CNST: variants seen among roughly 807,000 people sequenced by gnomAD.
CNST encodes the protein consortin.
In CNST, 39 loss-of-function variants were observed where a neutral mutation model predicts 72.4. The ratio of observed to expected loss-of-function variants is 0.54; its 90% CI spans 0.42 to 0.70. The LOEUF (loss-of-function observed/expected upper bound fraction) is 0.70. CNST is among the 30% of genes least tolerant of loss of function. The pLI is 0.00. For synonymous variants in CNST, 332 were observed against 320.1 expected, an observed-to-expected ratio of 1.04 and a Z score of -0.40; for missense variants, 871 against 868.5, an observed-to-expected ratio of 1.00 and a Z score of -0.04.
chr1:246,568,675 A>G (rs1659876841), intron 1 of CNST, among the ~76,000 whole-genome samples: 2 of 152,238 alleles, frequency 1.3e-5, no homozygotes, highest in Non-Finnish European at 2.9e-5. Context: ...TTTCGGGTTC[A>G]AGCAGTTTCT....
chr1:246,662,347 T>C (rs1296437589), intron 10 of CNST, among the ~76,000 whole-genome samples: 1 of 152,216 alleles, frequency 6.6e-6, no homozygotes, highest in Non-Finnish European at 1.5e-5. Flanking sequence ...GTAGTAGCCA[T>C]GTTAAAGTGA....
intron 9 of CNST, among the ~76,000 whole-genome samples, chr1:246,649,850 T>C (rs1204219046): frequency 6.7e-6 from 1 of 150,244 alleles, no homozygotes; most frequent in African/African-American, 2.5e-5. Flanking sequence ...AGATGTCCCC[T>C]CCAGAGCAAT....
chr1:246,652,876 C>A (rs1362230493), intron 9 of CNST, among the ~76,000 whole-genome samples: 2 of 150,850 alleles, frequency 1.3e-5, no homozygotes, highest in Non-Finnish European at 3.0e-5. Flanking sequence ...TGGTGGCGGG[C>A]GCCTGTAGTC....
chr1:246,666,440 T>C lies in CNST; in HGVS notation c.*535T>C, dbSNP rs1135644. ...TCCACTTATGAAGTGATTGTGTGTT[T>C]GCGTGTGTGTGCGTGCGCATGTGCT... is the stretch of plus-strand genomic sequence containing the variant. On this transcript the variant is annotated 3_prime_UTR_variant, in exon 11 of 11. Coordinates refer to ENST00000366513, the MANE Select transcript of CNST (RefSeq NM_152609.3). The C allele has an allele frequency of 0.68, 104,606 of 152,746 alleles. 37,140 individuals carry two copies. Among genetic ancestry groups the C allele is most frequent in the African/African-American group, 0.88 (36,636 of 41,524 alleles). 9.5% of individuals were successfully genotyped at this position (152,746 alleles called of 1,614,324 possible). A position where few individuals can be genotyped will look rare whatever the true frequency, so the allele number is the denominator to read the frequency against.
chr1:246,593,029 C>T (rs981981560), intron 2 of CNST, among the ~76,000 whole-genome samples: 8 of 152,178 alleles, frequency 5.3e-5, no homozygotes, highest in African/African-American at 1.9e-4. Flanking sequence ...TTACATCAGA[C>T]TCTAGTGAAC....
chr1:246,647,506 T>G lies in CNST; in HGVS notation c.1305T>G (p.Ile435Met), dbSNP rs1463387709. 6.2e-7 allele frequency: 1 copy of G among 1,614,188 alleles called. No individual in the cohort carries two copies. Among genetic ancestry groups the G allele is most frequent in the Non-Finnish European group, 8.5e-7 (1 of 1,180,038 alleles). Residue 435 changes from isoleucine to methionine, a missense_variant, in exon 9 of 11, where the codon ATT becomes ATG. Transcript: ENST00000366513. Reference sequence around the variant, plus strand: ...GCAAGTCAAAGACAGAGCCGTTGATTTCACCAGGCTGTGACCGTATACCTC... The same window carrying G: ...GCAAGTCAAAGACAGAGCCGTTGATGTCACCAGGCTGTGACCGTATACCTC... ...LSSKSKTEPL[I>M]SPGCDRIPPA... is the part of the protein sequence containing the mutation.
chr1:246,568,922 C>A (rs779967514), intron 1 of CNST, among the ~76,000 whole-genome samples: 7 of 152,036 alleles, frequency 4.6e-5, no homozygotes, highest in Non-Finnish European at 1.0e-4. Flanking sequence ...TTTGTGAAGG[C>A]GGAGTTTTGC....
At position 246,667,507 on chromosome 1, in the gene CNST, A is replaced by G. The variant is rs1667436981; in HGVS notation, c.*1602A>G. 1 of 152,198 alleles carries G rather than the reference A, an allele frequency of 6.6e-6. No individual in the cohort carries two copies. The highest frequency in any genetic ancestry group is 1.5e-5 in the Non-Finnish European group (1 of 68,030). 9.4% of individuals were successfully genotyped at this position (152,198 alleles called of 1,614,324 possible). ...ACTTGTCTCTATCATGTCACCATAA[A>G]CTGTAATATTTTCAAGGGTTATAGA... On this transcript the variant is annotated 3_prime_UTR_variant, in exon 11 of 11. Transcript: ENST00000366513.
At chr1:246,633,116 C>CA (rs2103099121) in intron 4 of CNST, among the ~76,000 whole-genome samples, 1 of 152,272 alleles carries the variant, frequency 6.6e-6, no homozygotes, top group African/African-American at 2.4e-5. Flanking sequence ...GTAGCTATTG[C>CA]ATAATATGCC....
At chr1:246,567,444 A>G (rs1659783424) in intron 1 of CNST, among the ~76,000 whole-genome samples, 1 of 151,892 alleles carries the variant, frequency 6.6e-6, no homozygotes. Flanking sequence ...GCTTTTACCC[A>G]TTATCCTTAC....
intron 1 of CNST, among the ~76,000 whole-genome samples, chr1:246,574,149 C>A (rs938511779): frequency 2.6e-5 from 4 of 152,222 alleles, no homozygotes; most frequent in African/African-American, 9.6e-5. Context: ...TCACGCCATT[C>A]TCCCGCCTCA....
rs1227745491 is a variant in CNST at position 246,647,781 on chromosome 1, G to A, written c.1580G>A (p.Cys527Tyr). The A allele has an allele frequency of 6.2e-7, 1 of 1,614,188 alleles. No homozygotes were observed. The change falls in exon 9 of 11, where the codon TGT becomes TAT. Residue 527 changes from cysteine to tyrosine, a missense_variant. By Grantham distance (194) the Cys-to-Tyr change is radical (BLOSUM62 -2). Coordinates refer to ENST00000366513, the MANE Select transcript of CNST (RefSeq NM_152609.3). ...SDLGILLPEV[C>Y]MAPEEKGDKD... is the part of the protein sequence containing the mutation. ...TTAGGCATACTGCTTCCAGAGGTGT[G>A]TATGGCCCCAGAGGAAAAGGGAGAT...
intron 3 of CNST, among the ~76,000 whole-genome samples, chr1:246,623,105 C>T (rs914995919): frequency 2.6e-5 from 4 of 152,080 alleles, no homozygotes; most frequent in African/African-American, 4.8e-5. Flanking sequence ...TTAACAGGCG[C>T]GAGCCGCTGC....
In CNST at chr1:246,665,682, T is replaced by G; in HGVS notation, c.1973-18T>G. 1.2e-6 allele frequency: 2 copies of G among 1,606,798 alleles called. No homozygotes were observed. Among genetic ancestry groups the G allele is most frequent in the Non-Finnish European group, 1.7e-6 (2 of 1,175,072 alleles). On this transcript the variant is annotated intron_variant, in intron 10 of 10. Coordinates refer to ENST00000366513, the MANE Select transcript of CNST (RefSeq NM_152609.3). Reference sequence around the variant, plus strand: ...CATTTCGGTGACAATGTAACCTCACTCTTTCTCATGTTTGCAGATGAAGTT... The same window carrying G: ...CATTTCGGTGACAATGTAACCTCACGCTTTCTCATGTTTGCAGATGAAGTT...
intron 9 of CNST, among the ~76,000 whole-genome samples, chr1:246,650,353 A>G (rs1409657398): frequency 6.6e-6 from 1 of 152,202 alleles, no homozygotes; most frequent in Non-Finnish European, 1.5e-5. Context: ...CCCAAAAGCT[A>G]CATATACATG....
chr1:246,648,187 T>C, intron 9 of CNST, 150 bp downstream of exon 9: 1 of 1,419,416 alleles, frequency 7.0e-7, no homozygotes, highest in Non-Finnish European at 9.2e-7. Context: ...ATTAGTAGTT[T>C]TTACATTTGT....
At chr1:246,622,444 G>T (rs76684246) in intron 3 of CNST, among the ~76,000 whole-genome samples, 4,470 of 152,268 alleles carry the variant, frequency 0.029, 216 homozygotes, top group African/African-American at 0.1. Context: ...TCTTGAGCTG[G>T]GTTTTCCAGG....
intron 6 of CNST, among the ~76,000 whole-genome samples, chr1:246,640,626 C>G (rs1390118498): frequency 6.6e-6 from 1 of 152,104 alleles, no homozygotes; most frequent in Non-Finnish European, 1.5e-5. Flanking sequence ...TTATGGATAA[C>G]TTTTTCTCCT....
chr1:246,652,891 C>CTACTCGG (rs1363565507), intron 9 of CNST, among the ~76,000 whole-genome samples: 1 of 146,890 alleles, frequency 6.8e-6, no homozygotes, highest in East Asian at 2.0e-4. Flanking sequence ...GTAGTCCCAG[C>CTACTCGG]TACTCGGGAG....
Sources: gnomAD v4.1 joint callset for allele counts (sites outside exome capture counted in the v4.1 genomes callset) on GRCh38, gnomAD v4.1.1 for gene constraint, MANE v1.5 for transcripts, NCBI Gene and HGNC (gene_info 2026-07-23, HGNC 2026-07-21) for gene names.